NCALD: variants seen among roughly 807,000 people sequenced by gnomAD.
NCALD encodes neurocalcin-delta.
A neutral mutation model predicts 18.6 loss-of-function variants in NCALD; 10 were observed. That is an observed-to-expected ratio of 0.54 (90% confidence interval 0.33 to 0.91). NCALD has a LOEUF of 0.91. Ranked by LOEUF, NCALD falls within the 40% of genes least tolerant of loss-of-function variation. NCALD has a pLI of 0.03. For missense variants in NCALD, 184 were observed against 247.6 expected (o/e 0.74, Z 1.72); for synonymous variants, 88 against 87.4 (o/e 1.01, Z -0.04).
chr8:101,755,931 A>G (rs1361032959), intron 1 of NCALD, among the ~76,000 whole-genome samples: 3 of 152,204 alleles, frequency 2.0e-5, no homozygotes, highest in Non-Finnish European at 2.9e-5. Flanking sequence ...AAATGCTACT[A>G]TGAGCTCACT....
At chr8:102,112,949 G>A (rs560625712) in intron 1 of NCALD, among the ~76,000 whole-genome samples, 1 of 152,060 alleles carries the variant, frequency 6.6e-6, no homozygotes, top group Non-Finnish European at 1.5e-5. Flanking sequence ...GCCCAATCTT[G>A]AATTTTTACA....
intron 1 of NCALD, among the ~76,000 whole-genome samples, chr8:102,083,457 T>C (rs999084172): frequency 2.0e-5 from 3 of 152,194 alleles, no homozygotes; most frequent in African/African-American, 7.2e-5. Flanking sequence ...CTTTCCTGTG[T>C]AGAAGCTTAG....
At chr8:101,784,763 C>A (rs1406095505) in intron 1 of NCALD, among the ~76,000 whole-genome samples, 1 of 151,874 alleles carries the variant, frequency 6.6e-6, no homozygotes, top group Admixed American at 6.6e-5. Context: ...TACACCACTG[C>A]ACTTCAGCCT....
chr8:101,761,769 C>T (rs1811118972), intron 1 of NCALD, among the ~76,000 whole-genome samples: 2 of 152,236 alleles, frequency 1.3e-5, no homozygotes, highest in South Asian at 4.1e-4. Context: ...CTAGGTTTCA[C>T]AGATTGGCTT....
intron 4 of NCALD, among the ~76,000 whole-genome samples, chr8:101,878,255 C>T (rs1563850252): frequency 6.6e-6 from 1 of 152,236 alleles, no homozygotes; most frequent in Non-Finnish European, 1.5e-5. Flanking sequence ...TATGTTCAAA[C>T]AGCACTGTCA....
At chr8:102,117,695 T>A (rs2132476016) in intron 1 of NCALD, among the ~76,000 whole-genome samples, 1 of 152,040 alleles carries the variant, frequency 6.6e-6, no homozygotes, top group South Asian at 2.1e-4. Context: ...CCATCAAGTA[T>A]ATGGAAAATA....
chr8:102,073,794 C>T (rs1201528248), intron 1 of NCALD, among the ~76,000 whole-genome samples: 1 of 152,148 alleles, frequency 6.6e-6, no homozygotes, highest in African/African-American at 2.4e-5. Context: ...GCTGTACCTT[C>T]ATGGTGATTT....
chr8:101,734,762 A>G (rs956643166), intron 1 of NCALD, among the ~76,000 whole-genome samples: 1 of 152,204 alleles, frequency 6.6e-6, no homozygotes, highest in Admixed American at 6.5e-5. Flanking sequence ...CATTTCTTCA[A>G]TTACCAGGCT....
chr8:101,786,860 C>T (rs1444031680), intron 1 of NCALD, among the ~76,000 whole-genome samples: 1 of 152,052 alleles, frequency 6.6e-6, no homozygotes, highest in East Asian at 1.9e-4. Flanking sequence ...TTCTGGTTTA[C>T]ATTAATGTAA....
chr8:101,749,371 T>C (rs1161958627), intron 1 of NCALD, among the ~76,000 whole-genome samples: 3 of 152,214 alleles, frequency 2.0e-5, no homozygotes, highest in Admixed American at 1.3e-4. Flanking sequence ...CCCATTCTAC[T>C]TTTTGAATAG....
At chr8:101,941,829 C>G (rs1393980673) in intron 2 of NCALD, among the ~76,000 whole-genome samples, 2 of 152,256 alleles carry the variant, frequency 1.3e-5, no homozygotes, top group East Asian at 3.8e-4. Context: ...TAATATCTCA[C>G]AAGCACAAGC....
intron 2 of NCALD, among the ~76,000 whole-genome samples, chr8:101,707,110 T>C (rs1189978639): frequency 1.3e-5 from 2 of 152,162 alleles, no homozygotes; most frequent in East Asian, 3.8e-4. Flanking sequence ...AACTAGAAAC[T>C]CTTCCCCTGC....
At chr8:101,836,941 T>C (rs1009682243) in intron 4 of NCALD, among the ~76,000 whole-genome samples, 7 of 152,244 alleles carry the variant, frequency 4.6e-5, no homozygotes, top group Non-Finnish European at 7.3e-5. Context: ...TTAGTTAAGT[T>C]GAATTATTCC....
intron 4 of NCALD, among the ~76,000 whole-genome samples, chr8:101,875,109 C>T (rs1816177204): frequency 6.6e-6 from 1 of 152,184 alleles, no homozygotes; most frequent in South Asian, 2.1e-4. Context: ...GACAGTCTGA[C>T]CAACTTGATC....
At chr8:102,052,861 G>A (rs1308910560) in intron 1 of NCALD, among the ~76,000 whole-genome samples, 8 of 152,164 alleles carry the variant, frequency 5.3e-5, no homozygotes, top group Admixed American at 5.2e-4. Flanking sequence ...TATGGACATT[G>A]AAATTTAAAT....
chr8:101,790,220 T>C (rs1374791798), intron 1 of NCALD, among the ~76,000 whole-genome samples: 1 of 152,170 alleles, frequency 6.6e-6, no homozygotes, highest in Non-Finnish European at 1.5e-5. Context: ...CAAAAAGCAA[T>C]TGCATGCACA....
intron 1 of NCALD, among the ~76,000 whole-genome samples, chr8:101,731,512 C>T (rs967887981): frequency 3.9e-5 from 6 of 152,098 alleles, no homozygotes; most frequent in African/African-American, 7.2e-5. Flanking sequence ...TGGAATTCCA[C>T]GCCTCACTCC....
At chr8:101,976,005 G>C (rs1251422162) in intron 2 of NCALD, among the ~76,000 whole-genome samples, 2 of 152,146 alleles carry the variant, frequency 1.3e-5, no homozygotes, top group African/African-American at 2.4e-5. Context: ...TGGAAGAAAA[G>C]TATGCACTCC....
intron 3 of NCALD, among the ~76,000 whole-genome samples, chr8:101,911,459 G>C (rs771801694): frequency 1.3e-5 from 2 of 150,546 alleles, no homozygotes; most frequent in East Asian, 2.0e-4. Flanking sequence ...CTGGATTCAA[G>C]TGATCCTCCC....
Sources: allele counts gnomAD v4.1 joint callset (sites outside exome capture counted in the v4.1 genomes callset), GRCh38; gene constraint gnomAD v4.1.1; transcripts MANE v1.5; gene names NCBI Gene and HGNC (gene_info 2026-07-23, HGNC 2026-07-21).